XXYLT1: variants seen among roughly 807,000 people sequenced by gnomAD.
XXYLT1 encodes the protein UDP-xylose:alpha-xyloside alpha-1,3-xylosyltransferase.
In XXYLT1, 20 loss-of-function variants were observed where a neutral mutation model predicts 28.9. That is an observed-to-expected ratio of 0.69 (90% CI 0.49 to 1.00). The LOEUF (loss-of-function observed/expected upper bound fraction) is 1.00, where lower values mean the gene tolerates loss of function less well. Among genes scored for constraint, XXYLT1 ranks in the 50% least tolerant of loss-of-function variants. The pLI is 0.00. For synonymous variants in XXYLT1, 257 were observed against 253.8 expected (o/e 1.01, Z -0.12); for missense variants, 542 against 560.1 (o/e 0.97, Z 0.33).
intron 3 of XXYLT1, among the ~76,000 whole-genome samples, chr3:195,143,853 TAGATATATATAGATATAGATATATATATA>T (rs1719669006): frequency 3.6e-5 from 4 of 111,224 alleles, no homozygotes; most frequent in South Asian, 3.2e-4. Flanking sequence ...GATATATATA[TAGATATATATAGATATAGATATATATATA>T]TATATATTTA....
At chr3:195,266,643 T>C (rs1211359321) in intron 1 of XXYLT1, among the ~76,000 whole-genome samples, 1 of 152,206 alleles carries the variant, frequency 6.6e-6, no homozygotes, top group Admixed American at 6.5e-5. Flanking sequence ...CCAGGCATCA[T>C]GCTCCCCACG....
At chr3:195,109,022 A>T (rs1577035741) in intron 3 of XXYLT1, among the ~76,000 whole-genome samples, 1 of 152,222 alleles carries the variant, frequency 6.6e-6, no homozygotes. Flanking sequence ...CCCCAAAGGT[A>T]TTATTATTTC....
At chr3:195,128,679 T>C (rs1390380609) in intron 3 of XXYLT1, among the ~76,000 whole-genome samples, 2 of 152,196 alleles carry the variant, frequency 1.3e-5, no homozygotes, top group African/African-American at 4.8e-5. Flanking sequence ...CCTTCCAATA[T>C]GTCACCTCTT....
intron 2 of XXYLT1, among the ~76,000 whole-genome samples, chr3:195,205,745 A>C (rs889206466): frequency 6.6e-6 from 1 of 152,072 alleles, no homozygotes; most frequent in Non-Finnish European, 1.5e-5. Context: ...CGACTGTAAT[A>C]TCAGCTACTC....
intron 3 of XXYLT1, among the ~76,000 whole-genome samples, chr3:195,126,586 G>A (rs898282879): frequency 3.3e-5 from 5 of 152,150 alleles, no homozygotes; most frequent in Admixed American, 6.6e-5. Flanking sequence ...AAACCCAACC[G>A]GGCATAAAGA....
intron 2 of XXYLT1, among the ~76,000 whole-genome samples, chr3:195,169,766 T>C (rs1292047396): frequency 1.3e-5 from 2 of 152,024 alleles, no homozygotes; most frequent in Non-Finnish European, 2.9e-5. Context: ...GGATAAATAT[T>C]TGAAATTATA....
rs80027463 is a variant in XXYLT1 at position 195,071,460 on chromosome 3, G to A, written c.786-1349C>T. ...GGAGGAACCTTCCTCAAGGTCTCAC[G>A]TATCACAGAGAGTGCCAAGAGTCTG... On this transcript the variant is annotated intron_variant, in intron 3 of 3. Coordinates refer to ENST00000310380, the MANE Select transcript of XXYLT1 (RefSeq NM_152531.5). Among the ~76,000 whole-genome samples, 788 of 152,312 alleles carry A rather than the reference G, an allele frequency of 5.2e-3. 7 individuals carry two copies. The highest frequency in any genetic ancestry group is 0.022 in the South Asian group (105 of 4,828).
At chr3:195,083,711 G>A (rs1280687270) in intron 3 of XXYLT1, among the ~76,000 whole-genome samples, 3 of 152,154 alleles carry the variant, frequency 2.0e-5, no homozygotes, top group East Asian at 1.9e-4. Flanking sequence ...TTTTACGGAC[G>A]AGGAAATGGA....
chr3:195,099,339 A>G (rs1479119224), intron 3 of XXYLT1, among the ~76,000 whole-genome samples: 1 of 152,340 alleles, frequency 6.6e-6, no homozygotes, highest in East Asian at 1.9e-4. Flanking sequence ...CCACCCAGGC[A>G]TCATGACCAC....
rs62285218 is a variant in XXYLT1, at chr3:195,150,706, A to T, written c.785+5743T>A. ...CCTATGCCGCCACCAACAAGCTCCC[A>T]TTCAGAGGATCCTCAGGCGGCCAGC... is the stretch of plus-strand genomic sequence containing the variant. On this transcript the variant is annotated intron_variant, in intron 3 of 3. Transcript: ENST00000310380. The surrounding 1 kb of genome is among the most constrained non-coding windows in gnomAD (Gnocchi z 4.7). Among the ~76,000 whole-genome samples, 1 of 152,012 alleles carries T rather than the reference A, an allele frequency of 6.6e-6. No homozygotes were observed. Among genetic ancestry groups the T allele is most frequent in the African/African-American group, 2.4e-5 (1 of 41,366 alleles).
At chr3:195,181,368 C>T (rs1208678072) in intron 2 of XXYLT1, among the ~76,000 whole-genome samples, 1 of 152,208 alleles carries the variant, frequency 6.6e-6, no homozygotes, top group East Asian at 1.9e-4. Context: ...ACACTTTCAT[C>T]TTCTACACAT....
At chr3:195,232,548 TG>T (rs552300934) in intron 1 of XXYLT1, among the ~76,000 whole-genome samples, 37 of 152,274 alleles carry the variant, frequency 2.4e-4, no homozygotes, top group African/African-American at 6.0e-4. Context: ...AGTACTGCTT[TG>T]CTGTATTTCA....
chr3:195,114,756 G>A (rs1316285732), intron 3 of XXYLT1, among the ~76,000 whole-genome samples: 1 of 152,218 alleles, frequency 6.6e-6, no homozygotes, highest in Non-Finnish European at 1.5e-5. Flanking sequence ...ACAAGCTTTC[G>A]TCAATCAGAC....
At chr3:195,187,322 C>T (rs1248065368) in intron 2 of XXYLT1, among the ~76,000 whole-genome samples, 1 of 152,138 alleles carries the variant, frequency 6.6e-6, no homozygotes, top group Admixed American at 6.5e-5. Context: ...CTTGGCCTCC[C>T]AAAGTGCTGG....
chr3:195,084,110 T>C (rs558014795), intron 3 of XXYLT1, among the ~76,000 whole-genome samples: 1 of 152,312 alleles, frequency 6.6e-6, no homozygotes, highest in East Asian at 1.9e-4. Context: ...TCCTGTGCTT[T>C]CACCAAGTTC....
At chr3:195,260,363 G>C (rs904533114) in intron 1 of XXYLT1, among the ~76,000 whole-genome samples, 4 of 152,240 alleles carry the variant, frequency 2.6e-5, no homozygotes, top group African/African-American at 9.6e-5. Flanking sequence ...CCGCAGCCGC[G>C]GAGCCCGCAG....
chr3:195,233,470 TTA>T (rs2108811917), intron 1 of XXYLT1, among the ~76,000 whole-genome samples: 1 of 152,326 alleles, frequency 6.6e-6, no homozygotes, highest in East Asian at 1.9e-4. Context: ...TTCTCTGGTG[TTA>T]TGTTTTATTT....
chr3:195,243,828 A>G (rs551769653), intron 1 of XXYLT1, among the ~76,000 whole-genome samples: 2 of 152,214 alleles, frequency 1.3e-5, no homozygotes, highest in Non-Finnish European at 2.9e-5. Flanking sequence ...CCCCTCCCTC[A>G]TGTGACGATT....
intron 3 of XXYLT1, among the ~76,000 whole-genome samples, chr3:195,138,921 T>G (rs958236064): frequency 6.7e-6 from 1 of 149,878 alleles, no homozygotes; most frequent in African/African-American, 2.5e-5. Context: ...GAGAGCATCC[T>G]AGTCAGAGAG....
Sources: gnomAD v4.1 joint callset for allele counts (sites outside exome capture counted in the v4.1 genomes callset) on GRCh38, gnomAD v4.1.1 for gene constraint, Gnocchi (gnomAD v3.1) non-coding constraint, MANE v1.5 for transcripts, NCBI Gene and HGNC (gene_info 2026-07-23, HGNC 2026-07-21) for gene names.